FAM193A: variants seen among roughly 807,000 people sequenced by gnomAD.
FAM193A encodes the protein family with sequence similarity 193 member A, also known as protein FAM193A.
FAM193A carries 22 observed loss-of-function variants against 126.5 expected under a neutral mutation model. The observed-to-expected ratio is 0.17, with a 90% CI of 0.12 to 0.25. The LOEUF is 0.25. Among genes scored for constraint, FAM193A ranks in the 10% least tolerant of loss-of-function variants. The pLI, the probability that FAM193A is intolerant of heterozygous loss-of-function variation, is 1.00. For missense variants in FAM193A, 1,675 were observed against 1,672.8 expected (o/e 1.00, Z -0.02); for synonymous variants, 761 against 646.8 (o/e 1.18, Z -2.68).
chr4:2,629,814 C>G (rs1381676134), intron 4 of FAM193A, among the ~76,000 whole-genome samples: 1 of 152,126 alleles, frequency 6.6e-6, no homozygotes, highest in South Asian at 2.1e-4. Flanking sequence ...ATAGCAATGC[C>G]AGTACTGTAG....
At chr4:2,649,335 A>C (rs1360872295) in intron 7 of FAM193A, among the ~76,000 whole-genome samples, 1 of 148,226 alleles carries the variant, frequency 6.7e-6, no homozygotes, top group African/African-American at 2.5e-5. Flanking sequence ...TGATGGTGCC[A>C]CTGCACTGCA....
At chr4:2,715,787 C>T (rs1399837436) in intron 19 of FAM193A, among the ~76,000 whole-genome samples, 1 of 152,196 alleles carries the variant, frequency 6.6e-6, no homozygotes, top group South Asian at 2.1e-4. Context: ...TGTCTTCTAA[C>T]GGGACCTGAA....
At chr4:2,663,313 C>G (rs1409357488) in intron 12 of FAM193A, 25 bp downstream of exon 12, 15 of 1,524,706 alleles carry the variant, frequency 9.8e-6, no homozygotes, top group Non-Finnish European at 1.3e-5. Context: ...GCTGTTTTGC[C>G]AAGGATCTCT....
Position 2,549,671 on chromosome 4 carries a change from C to T in FAM193A, c.255+12501C>T, listed in dbSNP as rs554069600. Among the ~76,000 whole-genome samples the T allele has an allele frequency of 2.0e-5, 3 of 152,132 alleles. No individual in the cohort carries two copies. The East Asian group carries it at 5.8e-4, about 29-fold the overall frequency. On this transcript the variant is annotated intron_variant, in intron 1 of 20. Transcript: ENST00000637812. ...TCAGCCTCCCAAAGTGCTGGGATTACAGGCGTGAGCCACCGCGCCCGGCCC... is the reference window on the plus strand; with the variant it reads ...TCAGCCTCCCAAAGTGCTGGGATTATAGGCGTGAGCCACCGCGCCCGGCCC...
chr4:2,679,748 C>A (rs891013066), intron 13 of FAM193A, among the ~76,000 whole-genome samples: 1 of 151,934 alleles, frequency 6.6e-6, no homozygotes, highest in South Asian at 2.1e-4. Context: ...AGAAAGTGTT[C>A]CCTCCTCTTC....
upstream of FAM193A, among the ~76,000 whole-genome samples, chr4:2,536,375 C>G (rs1250152567): frequency 6.6e-6 from 1 of 151,878 alleles, no homozygotes; most frequent in African/African-American, 2.4e-5. Flanking sequence ...TCCCTGGCCC[C>G]AGCTCCTCCC....
At chr4:2,580,905 A>G (rs550299398) in intron 1 of FAM193A, among the ~76,000 whole-genome samples, 505 of 152,296 alleles carry the variant, frequency 3.3e-3, no homozygotes, top group African/African-American at 8.0e-3. Flanking sequence ...CGAGGCGGGC[A>G]GATCACAAGG....
intron 4 of FAM193A, among the ~76,000 whole-genome samples, chr4:2,629,917 G>C (rs906946004): frequency 1.2e-4 from 19 of 152,146 alleles, no homozygotes; most frequent in African/African-American, 4.6e-4. Flanking sequence ...CGGATCACAA[G>C]GTCAGGAGAT....
In FAM193A at chr4:2,648,864, A is replaced by G. The variant is rs578072382; in HGVS notation, c.1311+2032A>G. Among the ~76,000 whole-genome samples, 36 of 152,328 alleles carry G rather than the reference A, an allele frequency of 2.4e-4. No individual in the cohort carries two copies. In the East Asian group the frequency reaches 6.9e-3, roughly 29 times the overall value. Reference sequence around the variant, plus strand: ...AGGCTCTTCAGGGCTGTGGCCGTGCAGGAGGGCCAGTAGTGTGTCCAGGTC... The same window carrying G: ...AGGCTCTTCAGGGCTGTGGCCGTGCGGGAGGGCCAGTAGTGTGTCCAGGTC... On this transcript the variant is annotated intron_variant, in intron 7 of 20. Coordinates refer to ENST00000637812, the MANE Select transcript of FAM193A (RefSeq NM_001366318.2).
intron 19 of FAM193A, chr4:2,708,146 A>T (rs1299311377): frequency 6.7e-6 from 3 of 448,778 alleles, no homozygotes; most frequent in Non-Finnish European, 1.3e-5. Flanking sequence ...TTATTTCGAG[A>T]TGGAGTTTCG....
intron 2 of FAM193A, among the ~76,000 whole-genome samples, chr4:2,597,695 C>G (rs958775505): frequency 2.6e-5 from 4 of 152,106 alleles, no homozygotes; most frequent in African/African-American, 9.7e-5. Flanking sequence ...GGATTCGGAC[C>G]AGCTGTTGCT....
intron 7 of FAM193A, 123 bp downstream of exon 7, chr4:2,646,955 G>A: frequency 1.9e-6 from 2 of 1,068,466 alleles, no homozygotes; most frequent in African/African-American, 1.6e-5. Context: ...AGGCCCAGAG[G>A]CGCATGTGGG....
intron 1 of FAM193A, among the ~76,000 whole-genome samples, chr4:2,555,155 C>T (rs1330222129): frequency 6.6e-6 from 1 of 152,106 alleles, no homozygotes; most frequent in Non-Finnish European, 1.5e-5. Flanking sequence ...ATAAAGTTCT[C>T]TTTACTAGAC....
intron 16 of FAM193A, among the ~76,000 whole-genome samples, chr4:2,694,608 C>T (rs1246837348): frequency 2.6e-5 from 4 of 152,090 alleles, no homozygotes; most frequent in Non-Finnish European, 5.9e-5. Context: ...TTTGAACTCG[C>T]CTGTTTGAAG....
intron 8 of FAM193A, among the ~76,000 whole-genome samples, chr4:2,658,262 G>C (rs930358002): frequency 6.6e-6 from 1 of 152,150 alleles, no homozygotes; most frequent in African/African-American, 2.4e-5. Context: ...TGATGTCCCA[G>C]AGCTGGAATG....
chr4:2,559,722 A>G (rs750177433), intron 1 of FAM193A, among the ~76,000 whole-genome samples: 10 of 152,168 alleles, frequency 6.6e-5, no homozygotes, highest in South Asian at 4.1e-4. Flanking sequence ...CGTGAGCACC[A>G]GGACGTCTTG....
intron 20 of FAM193A, among the ~76,000 whole-genome samples, chr4:2,727,207 C>T (rs534065374): frequency 4.6e-4 from 70 of 151,904 alleles, no homozygotes; most frequent in Admixed American, 8.5e-4. Flanking sequence ...TGCAATGAGC[C>T]GAGATCGCGT....
At chr4:2,614,062 C>T (rs749061186) in intron 2 of FAM193A, among the ~76,000 whole-genome samples, 18 of 152,174 alleles carry the variant, frequency 1.2e-4, no homozygotes, top group East Asian at 3.9e-4. Flanking sequence ...CCTGAGCCAC[C>T]GCACCCGGCC....
intron 2 of FAM193A, among the ~76,000 whole-genome samples, chr4:2,621,320 C>CA (rs1742532987): frequency 1.3e-5 from 2 of 152,018 alleles, no homozygotes; most frequent in African/African-American, 2.4e-5. Context: ...AGTTGAGAGG[C>CA]AAAAAAATTA....
Sources: gnomAD v4.1 joint callset for allele counts (sites outside exome capture counted in the v4.1 genomes callset) on GRCh38, gnomAD v4.1.1 for gene constraint, MANE v1.5 for transcripts, NCBI Gene and HGNC (gene_info 2026-07-23, HGNC 2026-07-21) for gene names.